Variants in SEMA3E observed in about 807,000 individuals in gnomAD.
SEMA3E encodes semaphorin 3E, also known as semaphorin-3E.
In SEMA3E, 49 loss-of-function variants were observed where a neutral mutation model predicts 93.6. That is an observed-to-expected ratio of 0.52 (90% CI 0.42 to 0.66). The LOEUF (loss-of-function observed/expected upper bound fraction) is 0.66. Ranked by LOEUF, SEMA3E falls within the 30% of genes least tolerant of loss-of-function variation. SEMA3E has a pLI of 0.00. For synonymous variants in SEMA3E, 363 were observed against 330.7 expected, an observed-to-expected ratio of 1.10 and a Z score of -1.06; for missense variants, 906 against 964.8, an observed-to-expected ratio of 0.94 and a Z score of 0.81.
intron 2 of SEMA3E, among the ~76,000 whole-genome samples, chr7:83,475,908 C>G (rs1331834956): frequency 1.3e-5 from 2 of 152,160 alleles, no homozygotes; most frequent in Non-Finnish European, 2.9e-5. Context: ...ACTATTCTTT[C>G]AGGTGCATTT....
intron 1 of SEMA3E, among the ~76,000 whole-genome samples, chr7:83,530,294 AC>A (rs1293861346): frequency 6.6e-6 from 1 of 152,186 alleles, no homozygotes; most frequent in Non-Finnish European, 1.5e-5. Context: ...AATTTTTAAA[AC>A]GTCTTAAATA....
In SEMA3E at chr7:83,505,841, T is replaced by C. The variant is rs535417091; in HGVS notation, c.116-15567A>G. Among the ~76,000 whole-genome samples the C allele has an allele frequency of 3.0e-4, 46 of 151,476 alleles. 1 individual carries two copies. In the Middle Eastern group the frequency reaches 0.01, roughly 34 times the overall value. ...ACATCCTGGCTAACATGGTGAAACC[T>C]CGTCTCTATTAAAAATACAAAAAAT... On this transcript the variant is annotated intron_variant, in intron 1 of 16. Transcript: ENST00000643230.
chr7:83,538,060 T>C (rs550287228), intron 1 of SEMA3E, among the ~76,000 whole-genome samples: 2 of 152,298 alleles, frequency 1.3e-5, no homozygotes, highest in South Asian at 2.1e-4. Context: ...CATGTACTCA[T>C]TTCATTGTAT....
At chr7:83,378,147 G>A (rs536980767) in intron 16 of SEMA3E, among the ~76,000 whole-genome samples, 31 of 149,046 alleles carry the variant, frequency 2.1e-4, no homozygotes, top group African/African-American at 6.6e-4. Flanking sequence ...ACTATATGTG[G>A]AAATATATAT....
intron 4 of SEMA3E, among the ~76,000 whole-genome samples, chr7:83,450,867 A>C (rs558303478): frequency 6.6e-6 from 1 of 152,300 alleles, no homozygotes; most frequent in Non-Finnish European, 1.5e-5. Flanking sequence ...AACCGTTCCA[A>C]GAGTTGGCAG....
intron 2 of SEMA3E, among the ~76,000 whole-genome samples, chr7:83,486,973 C>T (rs1790271252): frequency 6.6e-6 from 1 of 152,076 alleles, no homozygotes; most frequent in Non-Finnish European, 1.5e-5. Flanking sequence ...GGCTAGATGG[C>T]ACCCTGAAGC....
intron 4 of SEMA3E, among the ~76,000 whole-genome samples, chr7:83,433,261 G>A (rs1584245809): frequency 6.6e-6 from 1 of 152,184 alleles, no homozygotes; most frequent in East Asian, 1.9e-4. Flanking sequence ...ACGTTAAAAT[G>A]TAAATGTAAT....
intron 2 of SEMA3E, among the ~76,000 whole-genome samples, chr7:83,485,783 C>T (rs936382166): frequency 8.6e-5 from 13 of 151,892 alleles, no homozygotes; most frequent in Admixed American, 2.6e-4. Flanking sequence ...AGGGAGAAGA[C>T]GAAGGTAGCT....
At chr7:83,368,405 A>C (rs1027390547) in intron 16 of SEMA3E, among the ~76,000 whole-genome samples, 6 of 152,288 alleles carry the variant, frequency 3.9e-5, no homozygotes, top group African/African-American at 1.2e-4. Flanking sequence ...AAAATTTCTA[A>C]AATTTATTTT....
chr7:83,594,977 T>G (rs1418079452), intron 1 of SEMA3E, among the ~76,000 whole-genome samples: 3 of 150,346 alleles, frequency 2.0e-5, no homozygotes, highest in Non-Finnish European at 4.4e-5. Context: ...AAGCTCCCTG[T>G]TTTTAAAGAC....
intron 4 of SEMA3E, among the ~76,000 whole-genome samples, chr7:83,435,171 T>C (rs1023984369): frequency 1.3e-5 from 2 of 152,242 alleles, no homozygotes; most frequent in African/African-American, 4.8e-5. Context: ...ATGCCACTTT[T>C]GTTCATCTGT....
chr7:83,553,512 G>A (rs1490948610), intron 1 of SEMA3E, among the ~76,000 whole-genome samples: 1 of 151,824 alleles, frequency 6.6e-6, no homozygotes, highest in African/African-American at 2.4e-5. Flanking sequence ...ATTTCCTCAG[G>A]GCTAGTACCA....
chr7:83,440,542 T>G (rs993945573), intron 4 of SEMA3E, among the ~76,000 whole-genome samples: 1 of 152,150 alleles, frequency 6.6e-6, no homozygotes, highest in Non-Finnish European at 1.5e-5. Flanking sequence ...TTTCAGAAAC[T>G]TATGCAAATT....
intron 2 of SEMA3E, among the ~76,000 whole-genome samples, chr7:83,480,767 C>A (rs1054530085): frequency 1.3e-5 from 2 of 152,044 alleles, no homozygotes; most frequent in East Asian, 3.9e-4. Flanking sequence ...GTTTAAATAA[C>A]TATGCATTAT....
intron 1 of SEMA3E, among the ~76,000 whole-genome samples, chr7:83,527,335 C>A (rs1051558379): frequency 1.3e-5 from 2 of 152,040 alleles, no homozygotes; most frequent in Admixed American, 6.6e-5. Context: ...TTATGGCAGC[C>A]CTAGAAAACT....
intron 2 of SEMA3E, among the ~76,000 whole-genome samples, chr7:83,470,714 G>A (rs1432006177): frequency 6.6e-6 from 1 of 152,032 alleles, no homozygotes; most frequent in Non-Finnish European, 1.5e-5. Flanking sequence ...TCTAATTTAT[G>A]TAAATAGTAT....
intron 1 of SEMA3E, among the ~76,000 whole-genome samples, chr7:83,519,821 T>C (rs1860611): frequency 0.53 from 80,435 of 151,968 alleles, 23,578 homozygotes; most frequent in Middle Eastern, 0.7. Flanking sequence ...TATGTATCTT[T>C]CTTATCTTTG....
At chr7:83,429,511 T>C (rs2722964) in intron 4 of SEMA3E, among the ~76,000 whole-genome samples, 110,879 of 152,082 alleles carry the variant, frequency 0.73, 41,080 homozygotes, top group East Asian at 1. Flanking sequence ...TATGTTTTTC[T>C]GAAGCCTGCT....
intron 1 of SEMA3E, among the ~76,000 whole-genome samples, chr7:83,512,036 A>G (rs1041668251): frequency 3.3e-5 from 5 of 152,176 alleles, no homozygotes; most frequent in Non-Finnish European, 7.3e-5. Flanking sequence ...AAAAGTTACG[A>G]TTCATTAGTT....
Sources: gnomAD v4.1 joint callset for allele counts (sites outside exome capture counted in the v4.1 genomes callset) on GRCh38, gnomAD v4.1.1 for gene constraint, MANE v1.5 for transcripts, NCBI Gene and HGNC (gene_info 2026-07-23, HGNC 2026-07-21) for gene names.